STAC: variants seen among roughly 807,000 people sequenced by gnomAD.
The protein encoded by STAC is SH3 and cysteine rich domain.
In STAC, 43 loss-of-function variants were observed where a neutral mutation model predicts 48.8. The observed-to-expected ratio is 0.88, with a 90% confidence interval of 0.69 to 1.14. STAC has a LOEUF of 1.14. Among genes scored for constraint, STAC ranks in the 50% most tolerant of loss-of-function variants. The pLI, the probability that STAC is intolerant of heterozygous loss-of-function variation, is 0.00. For synonymous variants in STAC, 193 were observed against 179.5 expected, an observed-to-expected ratio of 1.07 and a Z score of -0.60; for missense variants, 497 against 504.0, an observed-to-expected ratio of 0.99 and a Z score of 0.13.
chr3:36,537,643 C>T (rs940194448), intron 10 of STAC, among the ~76,000 whole-genome samples: 2 of 152,038 alleles, frequency 1.3e-5, no homozygotes, highest in African/African-American at 4.8e-5. Context: ...TGCAGCAAAC[C>T]ACCATGGCAC....
chr3:36,484,029 C>T (rs140727908), intron 3 of STAC, among the ~76,000 whole-genome samples: 13 of 152,112 alleles, frequency 8.5e-5, no homozygotes, highest in South Asian at 2.1e-4. Flanking sequence ...GTAGAAAGGA[C>T]GAAGAATGTC....
chr3:36,479,935 C>T (rs1697600162), intron 2 of STAC, among the ~76,000 whole-genome samples: 1 of 152,204 alleles, frequency 6.6e-6, no homozygotes, highest in African/African-American at 2.4e-5. Flanking sequence ...AAGCTTTCCT[C>T]TTCAATCATT....
intron 5 of STAC, among the ~76,000 whole-genome samples, chr3:36,489,722 C>T (rs115143549): frequency 0.017 from 2,657 of 152,268 alleles, 20 homozygotes; most frequent in Non-Finnish European, 0.021. Flanking sequence ...CTGGAGAATT[C>T]TGTAACACTA....
chr3:36,414,924 T>A (rs1378350349), intron 1 of STAC, among the ~76,000 whole-genome samples: 1 of 152,236 alleles, frequency 6.6e-6, no homozygotes, highest in Non-Finnish European at 1.5e-5. Flanking sequence ...TGGAGTTTGC[T>A]AGAGGTCCAC....
intron 8 of STAC, among the ~76,000 whole-genome samples, chr3:36,526,514 A>G (rs1296110698): frequency 6.6e-6 from 1 of 152,188 alleles, no homozygotes; most frequent in Admixed American, 6.5e-5. Context: ...AATGTGGAAT[A>G]GGGCAAAGTC....
intron 10 of STAC, among the ~76,000 whole-genome samples, chr3:36,530,716 C>T (rs1018400309): frequency 1.9e-4 from 29 of 151,022 alleles, no homozygotes; most frequent in African/African-American, 6.8e-4. Flanking sequence ...CTGCCTCAGC[C>T]TCCGGAGCAG....
intron 1 of STAC, among the ~76,000 whole-genome samples, chr3:36,384,616 C>T (rs955400900): frequency 1.3e-5 from 2 of 152,150 alleles, no homozygotes; most frequent in East Asian, 1.9e-4. Context: ...ACTGAGTTTA[C>T]CTCTTTGGGC....
At chr3:36,544,740 C>G (rs1317522657) in intron 10 of STAC, among the ~76,000 whole-genome samples, 1 of 152,116 alleles carries the variant, frequency 6.6e-6, no homozygotes, top group Non-Finnish European at 1.5e-5. Flanking sequence ...ATCAAGTATT[C>G]CATCCCTTTT....
At chr3:36,398,597 G>GAAGGAAGGAAGA (rs778907424) in intron 1 of STAC, among the ~76,000 whole-genome samples, 1 of 79,560 alleles carries the variant, frequency 1.3e-5, no homozygotes, top group South Asian at 4.8e-4. Flanking sequence ...AGGAAGGAAG[G>GAAGGAAGGAAGA]AAGAAAGGAA....
intron 10 of STAC, among the ~76,000 whole-genome samples, chr3:36,540,904 A>C (rs929462284): frequency 6.6e-6 from 1 of 152,218 alleles, no homozygotes; most frequent in African/African-American, 2.4e-5. Context: ...CAGTAATAGC[A>C]AATGAATAAA....
intron 6 of STAC, among the ~76,000 whole-genome samples, chr3:36,494,169 A>AG (rs1698073779): frequency 1.3e-5 from 2 of 150,870 alleles, no homozygotes; most frequent in African/African-American, 2.4e-5. Context: ...AAAAAAAAAA[A>AG]AAAAAGAAAG....
chr3:36,441,469 C>T (rs988055292), intron 1 of STAC, among the ~76,000 whole-genome samples: 1 of 152,002 alleles, frequency 6.6e-6, no homozygotes, highest in Non-Finnish European at 1.5e-5. Context: ...GTACATGTAC[C>T]ATATTTCCTT....
chr3:36,491,301 T>G (rs1235433918), intron 5 of STAC, among the ~76,000 whole-genome samples: 1 of 152,226 alleles, frequency 6.6e-6, no homozygotes, highest in African/African-American at 2.4e-5. Flanking sequence ...GTTTCCAAAT[T>G]GTTATGTTTT....
chr3:36,454,143 G>A (rs929374701), intron 2 of STAC, among the ~76,000 whole-genome samples: 1 of 152,076 alleles, frequency 6.6e-6, no homozygotes, highest in Non-Finnish European at 1.5e-5. Flanking sequence ...GTAGCAACCC[G>A]CTCGGATCCT....
At chr3:36,542,974 G>A (rs555741708) in intron 10 of STAC, among the ~76,000 whole-genome samples, 2 of 152,174 alleles carry the variant, frequency 1.3e-5, no homozygotes, top group Non-Finnish European at 2.9e-5. Context: ...CTTAGGCAAT[G>A]AAAATATCTC....
At chr3:36,471,739 C>A (rs769841945) in intron 2 of STAC, among the ~76,000 whole-genome samples, 1 of 152,206 alleles carries the variant, frequency 6.6e-6, no homozygotes. Context: ...ATATCCAGGC[C>A]ATGCTGATGC....
At chr3:36,394,616 G>A (rs1345672552) in intron 1 of STAC, among the ~76,000 whole-genome samples, 1 of 152,140 alleles carries the variant, frequency 6.6e-6, no homozygotes, top group African/African-American at 2.4e-5. Flanking sequence ...AGTGATATAG[G>A]CCCGGCACAG....
At chr3:36,403,875 C>G (rs147152914) in intron 1 of STAC, among the ~76,000 whole-genome samples, 191 of 152,204 alleles carry the variant, frequency 1.3e-3, no homozygotes, top group African/African-American at 3.9e-3. Context: ...CTGAAAAAAA[C>G]AAGTCATCAA....
chr3:36,450,461 A>G (rs940450126), intron 2 of STAC, among the ~76,000 whole-genome samples: 1 of 152,170 alleles, frequency 6.6e-6, no homozygotes, highest in Admixed American at 6.5e-5. Flanking sequence ...GCATATTTTA[A>G]TGCAAAGACA....
Sources: gnomAD v4.1 joint callset for allele counts (sites outside exome capture counted in the v4.1 genomes callset) on GRCh38, gnomAD v4.1.1 for gene constraint, MANE v1.5 for transcripts, NCBI Gene and HGNC (gene_info 2026-07-23, HGNC 2026-07-21) for gene names.